LGSN: variants seen among roughly 807,000 people sequenced by gnomAD.
LGSN encodes the protein lengsin, lens protein with glutamine synthetase domain, also known as lengsin.
Under a neutral mutation model 19.5 loss-of-function variants are expected in LGSN, and 21 were observed. The ratio of observed to expected loss-of-function variants is 1.07; its 90% confidence interval spans 0.76 to 1.55. The LOEUF (loss-of-function observed/expected upper bound fraction) is 1.55. Among genes scored for constraint, LGSN ranks in the 40% most tolerant of loss-of-function variants. LGSN has a pLI of 0.00. For missense variants in LGSN, 673 were observed against 608.5 expected, an observed-to-expected ratio of 1.11 and a Z score of -1.12; for synonymous variants, 257 against 215.6, an observed-to-expected ratio of 1.19 and a Z score of -1.68.
chr6:63,436,967 G>T, the LGSN span, among the ~76,000 whole-genome samples: 1 of 151,418 alleles, frequency 6.6e-6, no homozygotes, highest in African/African-American at 2.4e-5. Flanking sequence ...AACCCAGGAG[G>T]TGTAGGTTGC....
chr6:63,509,096 G>C, the LGSN span, among the ~76,000 whole-genome samples: 1 of 147,022 alleles, frequency 6.8e-6, no homozygotes, highest in Admixed American at 6.9e-5. Context: ...AGTCAGTCTC[G>C]CTCTGTTGCC....
chr6:63,564,782 C>A, the LGSN span, among the ~76,000 whole-genome samples: 2 of 152,170 alleles, frequency 1.3e-5, no homozygotes, highest in Non-Finnish European at 2.9e-5. Context: ...ATTTTCAATT[C>A]CCAAATGATT....
the LGSN span, among the ~76,000 whole-genome samples, chr6:63,367,653 G>A: frequency 1.4e-5 from 2 of 144,142 alleles, no homozygotes; most frequent in Non-Finnish European, 2.9e-5. Context: ...TATGTTCACT[G>A]AGGCAGTATT....
At chr6:63,522,477 T>A in the LGSN span, among the ~76,000 whole-genome samples, 1 of 152,202 alleles carries the variant, frequency 6.6e-6, no homozygotes, top group African/African-American at 2.4e-5. Context: ...GAGCTCTTTA[T>A]CACCCTCGCC....
chr6:63,572,572 C>CCCGCCGCCGCCTGCATCGCCG, the LGSN span: 2 of 413,554 alleles, frequency 4.8e-6, no homozygotes, highest in Non-Finnish European at 8.4e-6. Flanking sequence ...GTCTGGTGCC[C>CCCGCCGCCGCCTGCATCGCCG]CCGCCGCCGC....
At chr6:63,536,705 T>G in the LGSN span, among the ~76,000 whole-genome samples, 1 of 152,250 alleles carries the variant, frequency 6.6e-6, no homozygotes, top group African/African-American at 2.4e-5. Context: ...TTTATAGTAT[T>G]TCCTACTTAA....
At chr6:63,427,292 CATCGTCCTCCCAA>C in the LGSN span, among the ~76,000 whole-genome samples, 1 of 152,192 alleles carries the variant, frequency 6.6e-6, no homozygotes, top group African/African-American at 2.4e-5. Context: ...GATCCACCCA[CATCGTCCTCCCAA>C]AGTGCTGGGA....
chr6:63,503,917 A>G, the LGSN span, among the ~76,000 whole-genome samples: 1 of 152,110 alleles, frequency 6.6e-6, no homozygotes, highest in African/African-American at 2.4e-5. Flanking sequence ...ACCCTGTCTC[A>G]AAAAAACCAA....
the LGSN span, among the ~76,000 whole-genome samples, chr6:63,510,447 CCTTT>C: frequency 1.5e-5 from 2 of 137,118 alleles, no homozygotes; most frequent in Non-Finnish European, 3.1e-5. Flanking sequence ...GGTTTGACTA[CCTTT>C]CTTTTTTTTT....
the LGSN span, among the ~76,000 whole-genome samples, chr6:63,387,729 C>G: frequency 6.6e-6 from 1 of 151,972 alleles, no homozygotes; most frequent in East Asian, 1.9e-4. Context: ...AGCCAGGGTC[C>G]CACTGCAGTG....
the LGSN span, among the ~76,000 whole-genome samples, chr6:63,477,158 C>T: frequency 6.6e-6 from 1 of 152,166 alleles, no homozygotes; most frequent in Non-Finnish European, 1.5e-5. Context: ...ATTTAATATA[C>T]AGAATTTCAG....
chr6:63,280,568 A>C lies in LGSN; in HGVS notation c.983T>G (p.Phe328Cys). The C allele has an allele frequency of 1.9e-6, 3 of 1,614,108 alleles. No individual in the cohort carries two copies. The highest frequency in any genetic ancestry group is 2.5e-6 in the Non-Finnish European group (3 of 1,180,030). ...CTGCTCAGTTCCAGAAGTGCTGCAG[A>C]ACATGTTTTTCTTCCTATCGACATC... ...LWDVDRKKNMFCSTSGTEQLT... is the reference protein window; with the variant it reads ...LWDVDRKKNMCCSTSGTEQLT... Residue 328 changes from phenylalanine (F) to cysteine (C), a missense_variant, in exon 4 of 4, where the codon TTC (phenylalanine) becomes TGC (cysteine). Coordinates refer to ENST00000370657, the MANE Select transcript of LGSN (RefSeq NM_016571.3).
chr6:63,317,169 T>A (rs900741959), intron 1 of LGSN, among the ~76,000 whole-genome samples: 4 of 151,782 alleles, frequency 2.6e-5, no homozygotes, highest in African/African-American at 9.7e-5. Flanking sequence ...CTATTAGAGG[T>A]CAACATAACA....
the LGSN span, among the ~76,000 whole-genome samples, chr6:63,358,818 C>G: frequency 6.6e-6 from 1 of 152,080 alleles, no homozygotes; most frequent in East Asian, 1.9e-4. Flanking sequence ...ATTGAATACC[C>G]TTTATTTTTT....
the LGSN span, among the ~76,000 whole-genome samples, chr6:63,532,152 A>C: frequency 6.6e-6 from 1 of 152,226 alleles, no homozygotes; most frequent in African/African-American, 2.4e-5. Flanking sequence ...ATAGTTAATA[A>C]AGAAAAAATT....
At chr6:63,360,456 T>C in the LGSN span, among the ~76,000 whole-genome samples, 1 of 152,250 alleles carries the variant, frequency 6.6e-6, no homozygotes, top group Admixed American at 6.5e-5. Context: ...TCGAATCGGC[T>C]ACTGAGGCTT....
chr6:63,486,182 G>T, the LGSN span, among the ~76,000 whole-genome samples: 1 of 152,128 alleles, frequency 6.6e-6, no homozygotes, highest in African/African-American at 2.4e-5. Flanking sequence ...GAGTTTTAAA[G>T]TACTCATATA....
the LGSN span, among the ~76,000 whole-genome samples, chr6:63,345,209 A>G: frequency 6.6e-5 from 10 of 152,152 alleles, no homozygotes; most frequent in Non-Finnish European, 1.3e-4. Flanking sequence ...TCAGAAATAT[A>G]TGTTTTGGGT....
chr6:63,290,211 A>G (rs1338622873), intron 2 of LGSN, among the ~76,000 whole-genome samples: 3 of 152,218 alleles, frequency 2.0e-5, no homozygotes, highest in African/African-American at 7.2e-5. Context: ...CTGAAGGCCT[A>G]TAGAGAACTT....
Sources: gnomAD v4.1 joint callset for allele counts (sites outside exome capture counted in the v4.1 genomes callset) on GRCh38, gnomAD v4.1.1 for gene constraint, MANE v1.5 for transcripts, NCBI Gene and HGNC (gene_info 2026-07-23, HGNC 2026-07-21) for gene names.